Variants in CSMD3 observed in about 807,000 individuals in gnomAD.
The protein encoded by CSMD3 is CUB and Sushi multiple domains 3.
In CSMD3, 177 loss-of-function variants were observed where a neutral mutation model predicts 435.2. The ratio of observed to expected loss-of-function variants is 0.41; its 90% CI spans 0.36 to 0.46. CSMD3 has a LOEUF of 0.46. Among genes scored for constraint, CSMD3 ranks in the 20% least tolerant of loss-of-function variants. The probability of loss-of-function intolerance (pLI) is 0.34; values close to 1 mark genes in which losing one functional copy is unlikely to be tolerated. For synonymous variants in CSMD3, 1,656 were observed against 1,520.5 expected (o/e 1.09, Z -2.07); for missense variants, 4,265 against 4,504.6 (o/e 0.95, Z 1.52).
intron 4 of CSMD3, among the ~76,000 whole-genome samples, chr8:113,168,780 T>C (rs2092212643): frequency 6.6e-6 from 1 of 152,032 alleles, no homozygotes; most frequent in African/African-American, 2.4e-5. Context: ...GTTAGTTTTA[T>C]CAATAACCTT....
chr8:113,271,310 A>G (rs2093523847), intron 3 of CSMD3, among the ~76,000 whole-genome samples: 1 of 152,130 alleles, frequency 6.6e-6, no homozygotes. Flanking sequence ...AGGGCACGTC[A>G]CAGGTCTTTA....
chr8:112,832,682 A>C (rs1351554040), intron 11 of CSMD3, among the ~76,000 whole-genome samples: 2 of 152,216 alleles, frequency 1.3e-5, no homozygotes, highest in African/African-American at 4.8e-5. Context: ...TTCAAATGAG[A>C]TCACATCCCA....
chr8:113,158,280 A>G (rs1039646644), intron 4 of CSMD3, among the ~76,000 whole-genome samples: 1 of 152,050 alleles, frequency 6.6e-6, no homozygotes, highest in Non-Finnish European at 1.5e-5. Flanking sequence ...TAACGCTACC[A>G]TGAGTGTAGG....
At chr8:112,457,106 T>C (rs1002442505) in intron 32 of CSMD3, among the ~76,000 whole-genome samples, 1 of 152,138 alleles carries the variant, frequency 6.6e-6, no homozygotes, top group South Asian at 2.1e-4. Flanking sequence ...CTTCTTCGGA[T>C]AGGATTCTAA....
intron 24 of CSMD3, among the ~76,000 whole-genome samples, chr8:112,561,643 CT>C (rs1828634532): frequency 6.6e-6 from 1 of 151,490 alleles, no homozygotes; most frequent in South Asian, 2.1e-4. Context: ...GTTAAAGATT[CT>C]TTTGTACTCC....
intron 27 of CSMD3, among the ~76,000 whole-genome samples, chr8:112,528,876 G>C (rs906732269): frequency 2.0e-5 from 3 of 151,980 alleles, no homozygotes; most frequent in Non-Finnish European, 4.4e-5. Context: ...ACCATTCCAA[G>C]AGGACTCCAC....
intron 6 of CSMD3, among the ~76,000 whole-genome samples, chr8:113,001,487 T>G (rs981286667): frequency 7.2e-5 from 11 of 152,116 alleles, no homozygotes; most frequent in African/African-American, 2.7e-4. Context: ...CATGCCAAAC[T>G]TATTCTCAGC....
intron 12 of CSMD3, among the ~76,000 whole-genome samples, chr8:112,811,284 G>A (rs540174089): frequency 2.6e-5 from 4 of 151,966 alleles, no homozygotes; most frequent in South Asian, 4.1e-4. Flanking sequence ...AAATTTTCTT[G>A]AAATTATAAA....
chr8:113,098,858 A>G lies in CSMD3; in HGVS notation c.815T>C (p.Val272Ala), dbSNP rs2131546883. Residue 272 changes from valine to alanine, a missense_variant, in exon 5 of 71, where the codon GTA becomes GCA. Coordinates refer to ENST00000297405, the MANE Select transcript of CSMD3 (RefSeq NM_198123.2). ...TGAAATTGTGTCCCCAGGCTCTGCT[A>G]CAATGGTCCAAGTGCAATCAGCATT... ...HNNADCTWTI[V>A]AEPGDTISLI... The G allele has an allele frequency of 6.2e-7, 1 of 1,612,254 alleles. No homozygotes were observed. The highest frequency in any genetic ancestry group is 2.2e-5 in the East Asian group (1 of 44,822).
At chr8:113,004,381 A>G (rs1340920318) in intron 6 of CSMD3, among the ~76,000 whole-genome samples, 2 of 151,820 alleles carry the variant, frequency 1.3e-5, no homozygotes, top group Non-Finnish European at 2.9e-5. Flanking sequence ...TCACAGGAAG[A>G]TACAAGTATT....
intron 1 of CSMD3, among the ~76,000 whole-genome samples, chr8:113,387,814 T>C (rs2094445684): frequency 6.6e-6 from 1 of 151,726 alleles, no homozygotes; most frequent in Non-Finnish European, 1.5e-5. Context: ...GCTGCTAACA[T>C]GTAGTTCTTA....
chr8:112,565,141 C>T (rs998512057), intron 24 of CSMD3, among the ~76,000 whole-genome samples: 2 of 151,962 alleles, frequency 1.3e-5, no homozygotes, highest in Non-Finnish European at 2.9e-5. Flanking sequence ...AGTTAGAATA[C>T]TTTGGACTAT....
intron 27 of CSMD3, among the ~76,000 whole-genome samples, chr8:112,526,405 C>T (rs917215870): frequency 2.0e-5 from 3 of 151,890 alleles, no homozygotes; most frequent in Admixed American, 6.6e-5. Flanking sequence ...GTCTCTCTCT[C>T]TCTCTCACAC....
chr8:113,168,119 C>T (rs1169790328), intron 4 of CSMD3, among the ~76,000 whole-genome samples: 1 of 152,054 alleles, frequency 6.6e-6, no homozygotes, highest in African/African-American at 2.4e-5. Context: ...ACCACTGACG[C>T]TACTCTCTCT....
intron 6 of CSMD3, among the ~76,000 whole-genome samples, chr8:112,988,937 C>T (rs185949931): frequency 5.3e-5 from 8 of 152,094 alleles, no homozygotes; most frequent in Middle Eastern, 3.4e-3. Context: ...TATACAGCTG[C>T]GGGTAAATAA....
At chr8:112,584,912 C>G (rs775251957) in intron 23 of CSMD3, among the ~76,000 whole-genome samples, 2 of 151,630 alleles carry the variant, frequency 1.3e-5, no homozygotes, top group Non-Finnish European at 3.0e-5. Context: ...TAACTTTCCA[C>G]CCTAAGATGA....
chr8:113,189,128 T>C (rs141440401), intron 3 of CSMD3, among the ~76,000 whole-genome samples: 63 of 151,954 alleles, frequency 4.1e-4, no homozygotes, highest in African/African-American at 1.5e-3. Flanking sequence ...TTCATTTATC[T>C]TTACTGAGAT....
rs1832026966 is a variant in CSMD3 at position 112,408,193 on chromosome 8, G to A, written c.5605+125C>T. ...GTGACAGTGATCTAGTGATGGTGGA[G>A]GGGACAAAATAAAACTGCTTAAAAA... On this transcript the variant is annotated intron_variant, in intron 34 of 70. Coordinates refer to ENST00000297405, the MANE Select transcript of CSMD3 (RefSeq NM_198123.2). 9.7e-6 allele frequency: 7 copies of A among 721,346 alleles called. No homozygotes were observed. The South Asian group carries it at 1.0e-4, about 11-fold the overall frequency. The allele number at this position is 721,346 out of a possible 1,614,324, so 44.7% of individuals were successfully genotyped here. A position where few individuals can be genotyped will look rare whatever the true frequency, so the allele number is the denominator to read the frequency against.
At chr8:113,365,268 T>C (rs897070498) in intron 1 of CSMD3, among the ~76,000 whole-genome samples, 2 of 152,070 alleles carry the variant, frequency 1.3e-5, no homozygotes, top group Non-Finnish European at 2.9e-5. Flanking sequence ...TTCAAAAGCA[T>C]CAGATTCTTG....
Sources: gnomAD v4.1 joint callset for allele counts (sites outside exome capture counted in the v4.1 genomes callset) on GRCh38, gnomAD v4.1.1 for gene constraint, MANE v1.5 for transcripts, NCBI Gene and HGNC (gene_info 2026-07-23, HGNC 2026-07-21) for gene names.